The following CACNA1C variants were observed in gnomAD, a reference collection of about 807,000 sequenced individuals.
The protein encoded by CACNA1C is calcium voltage-gated channel subunit alpha1 C.
In CACNA1C, 30 loss-of-function variants were observed where a neutral mutation model predicts 229.0. The ratio of observed to expected loss-of-function variants is 0.13; its 90% CI spans 0.10 to 0.18. The LOEUF (loss-of-function observed/expected upper bound fraction) is 0.18. Among genes scored for constraint, CACNA1C ranks in the 10% least tolerant of loss-of-function variants. The pLI, the probability that CACNA1C is intolerant of heterozygous loss-of-function variation, is 1.00. For synonymous variants in CACNA1C, 1,114 were observed against 1,132.5 expected (o/e 0.98, Z 0.33); for missense variants, 1,658 against 2,845.0 (o/e 0.58, Z 9.49).
At chr12:2,239,975 T>C (rs2239036) in intron 3 of CACNA1C, among the ~76,000 whole-genome samples, 12,599 of 152,260 alleles carry the variant, frequency 0.083, 864 homozygotes, top group East Asian at 0.29. Context: ...ATTGAAATGT[T>C]TTTAAAAAGT....
intron 5 of CACNA1C, among the ~76,000 whole-genome samples, chr12:2,471,682 GA>G (rs1196927691): frequency 6.7e-6 from 1 of 150,312 alleles, no homozygotes; most frequent in East Asian, 1.9e-4. Flanking sequence ...AGAAGTCATT[GA>G]TTTTTTTTTT....
intron 13 of CACNA1C, among the ~76,000 whole-genome samples, chr12:2,578,653 G>A (rs2059429238): frequency 6.6e-6 from 1 of 152,200 alleles, no homozygotes; most frequent in Non-Finnish European, 1.5e-5. Context: ...GAGCCAGGAA[G>A]ATGACTCCGA....
At chr12:1,986,368 G>C (rs755620635) in intron 1 of CACNA1C, among the ~76,000 whole-genome samples, 1 of 152,072 alleles carries the variant, frequency 6.6e-6, no homozygotes, top group Non-Finnish European at 1.5e-5. Context: ...CCAGTCTTCC[G>C]ACTACAAAGT....
At chr12:2,474,583 C>T (rs190369061) in intron 5 of CACNA1C, among the ~76,000 whole-genome samples, 1 of 151,984 alleles carries the variant, frequency 6.6e-6, no homozygotes, top group African/African-American at 2.4e-5. Flanking sequence ...GGCGAAACCC[C>T]GTCTCTACTA....
At chr12:2,315,636 C>T (rs2095650812) in intron 3 of CACNA1C, among the ~76,000 whole-genome samples, 1 of 152,196 alleles carries the variant, frequency 6.6e-6, no homozygotes, top group African/African-American at 2.4e-5. Context: ...TCAAACCATC[C>T]ATCCATCCTC....
chr12:2,210,905 A>G (rs1296831478), intron 3 of CACNA1C, among the ~76,000 whole-genome samples: 1 of 152,142 alleles, frequency 6.6e-6, no homozygotes, highest in African/African-American at 2.4e-5. Context: ...TATAACTGGT[A>G]TTTTGTGCCA....
At chr12:2,421,577 C>A (rs1021730555) in intron 3 of CACNA1C, among the ~76,000 whole-genome samples, 1 of 152,162 alleles carries the variant, frequency 6.6e-6, no homozygotes, top group African/African-American at 2.4e-5. Flanking sequence ...GTCAGGTGAG[C>A]CTGCTAAGTT....
At chr12:2,100,582 C>CGAA (rs773969228) in intron 1 of CACNA1C, among the ~76,000 whole-genome samples, 1 of 66,466 alleles carries the variant, frequency 1.5e-5, no homozygotes, top group African/African-American at 5.3e-5. Context: ...CTGTTTCTAC[C>CGAA]AAAAAAAAAA....
At chr12:2,600,689 G>T (rs772849792) in intron 21 of CACNA1C, among the ~76,000 whole-genome samples, 4 of 152,228 alleles carry the variant, frequency 2.6e-5, no homozygotes, top group Non-Finnish European at 4.4e-5. Flanking sequence ...TGGTAATAAT[G>T]GCCAAGTCCT....
chr12:2,298,472 T>C (rs1407476468), intron 3 of CACNA1C, among the ~76,000 whole-genome samples: 3 of 152,178 alleles, frequency 2.0e-5, no homozygotes, highest in South Asian at 2.1e-4. Flanking sequence ...CTAATTTTTG[T>C]ATTTTTAGTA....
intron 1 of CACNA1C, among the ~76,000 whole-genome samples, chr12:2,010,466 G>A (rs1362833437): frequency 2.6e-5 from 4 of 152,114 alleles, no homozygotes; most frequent in African/African-American, 9.7e-5. Flanking sequence ...CTCCAGTCTG[G>A]GCCTTATAGC....
chr12:2,154,963 G>C (rs941735255), intron 3 of CACNA1C, among the ~76,000 whole-genome samples: 2 of 152,222 alleles, frequency 1.3e-5, no homozygotes, highest in Non-Finnish European at 2.9e-5. Context: ...CTCTGAAAGC[G>C]GCCCATCCTG....
chr12:2,686,393 C>T (rs1323178087), intron 45 of CACNA1C, 124 bp downstream of exon 45: 33 of 820,480 alleles, frequency 4.0e-5, no homozygotes, highest in Non-Finnish European at 6.7e-5. Context: ...CACGTCCTGC[C>T]CCTGCCCTAA....
At chr12:2,135,642 C>G (rs1448064084) in intron 3 of CACNA1C, among the ~76,000 whole-genome samples, 1 of 141,548 alleles carries the variant, frequency 7.1e-6, no homozygotes, top group Admixed American at 6.9e-5. Flanking sequence ...CAGGGACCCA[C>G]TTGAAGAGGC....
At chr12:2,586,988 T>G (rs781240299) in intron 18 of CACNA1C, among the ~76,000 whole-genome samples, 1 of 152,192 alleles carries the variant, frequency 6.6e-6, no homozygotes, top group Non-Finnish European at 1.5e-5. Context: ...ACAAATGCAA[T>G]GGGAGGATCT....
intron 43 of CACNA1C, among the ~76,000 whole-genome samples, chr12:2,683,668 G>C (rs1041716565): frequency 6.6e-5 from 10 of 152,208 alleles, no homozygotes; most frequent in Non-Finnish European, 1.5e-4. Context: ...CGGCAGGTGT[G>C]CCTGCTCCTT....
intron 37 of CACNA1C, among the ~76,000 whole-genome samples, chr12:2,668,183 C>T (rs900999072): frequency 1.3e-5 from 2 of 152,218 alleles, no homozygotes; most frequent in African/African-American, 2.4e-5. Flanking sequence ...CACATGCTGG[C>T]GTACAGCCGG....
intron 3 of CACNA1C, among the ~76,000 whole-genome samples, chr12:2,272,098 C>T (rs1480690721): frequency 6.6e-6 from 1 of 152,170 alleles, no homozygotes; most frequent in East Asian, 1.9e-4. Context: ...TTCCATCGAG[C>T]TATTGCCTTG....
intron 3 of CACNA1C, among the ~76,000 whole-genome samples, chr12:2,208,606 T>TG (rs1382224399): frequency 6.6e-6 from 1 of 152,116 alleles, no homozygotes; most frequent in Non-Finnish European, 1.5e-5. Flanking sequence ...GGGTGGTGGG[T>TG]GGCATTTGAG....
Sources: allele counts gnomAD v4.1 joint callset (sites outside exome capture counted in the v4.1 genomes callset), GRCh38; gene constraint gnomAD v4.1.1; transcripts MANE v1.5; gene names NCBI Gene and HGNC (gene_info 2026-07-23, HGNC 2026-07-21).